SDK1: variants seen among roughly 807,000 people sequenced by gnomAD.
SDK1 encodes protein sidekick-1.
In SDK1, 157 loss-of-function variants were observed where a neutral mutation model predicts 245.5. The ratio of observed to expected loss-of-function variants is 0.64; its 90% CI spans 0.56 to 0.73. The LOEUF is 0.73. SDK1 is among the 30% of genes least tolerant of loss of function. The pLI, the probability that SDK1 is intolerant of heterozygous loss-of-function variation, is 0.00. For synonymous variants in SDK1, 1,647 were observed against 1,278.5 expected, an observed-to-expected ratio of 1.29 and a Z score of -6.15; for missense variants, 3,583 against 3,002.3, an observed-to-expected ratio of 1.19 and a Z score of -4.52.
chr7:3,778,982 C>T (rs1289747041), intron 4 of SDK1, among the ~76,000 whole-genome samples: 1 of 152,128 alleles, frequency 6.6e-6, no homozygotes, highest in Admixed American at 6.5e-5. Context: ...TTTGAGATTC[C>T]ATTGTAGCAG....
chr7:3,347,561 C>T (rs1278632111), intron 1 of SDK1, among the ~76,000 whole-genome samples: 1 of 152,158 alleles, frequency 6.6e-6, no homozygotes. Context: ...TTTCAACCTC[C>T]CTGTTTCATT....
chr7:3,433,559 A>G (rs1779929740), intron 1 of SDK1, among the ~76,000 whole-genome samples: 1 of 152,046 alleles, frequency 6.6e-6, no homozygotes, highest in Non-Finnish European at 1.5e-5. Context: ...TTAGGTTTAT[A>G]TGAAATAGAA....
At position 4,220,135 on chromosome 7, in the gene SDK1, G is replaced by A. The variant is rs1346700840; in HGVS notation, c.5566G>A (p.Val1856Met). 1 of 1,613,994 alleles carries A rather than the reference G, an allele frequency of 6.2e-7. No homozygotes were observed. The highest frequency in any genetic ancestry group is 8.5e-7 in the Non-Finnish European group (1 of 1,180,014). Reference protein sequence around the residue: ...QGVSKVVTVEVRGNWQRWLKV... With the variant: ...QGVSKVVTVEMRGNWQRWLKV... ...GGTGAGCAAGGTGGTGACCGTGGAA[G>A]TGAGAGGGAACTGGCAGCGCTGGCT... The change falls in exon 39 of 45, where the codon GTG becomes ATG. Residue 1856 changes from valine to methionine, a missense_variant. Transcript: ENST00000404826.
intron 40 of SDK1, among the ~76,000 whole-genome samples, chr7:4,230,282 G>A (rs1481270189): frequency 1.3e-5 from 2 of 151,742 alleles, no homozygotes; most frequent in Non-Finnish European, 2.9e-5. Flanking sequence ...TGGATGAATG[G>A]ATGGGTGGAT....
intron 13 of SDK1, among the ~76,000 whole-genome samples, chr7:3,975,577 C>T (rs1782858208): frequency 6.6e-6 from 1 of 152,218 alleles, no homozygotes; most frequent in Non-Finnish European, 1.5e-5. Context: ...AGAATGCTTG[C>T]TAAGTGCTAA....
chr7:4,075,386 C>T (rs1010240535), intron 20 of SDK1, among the ~76,000 whole-genome samples: 4 of 152,156 alleles, frequency 2.6e-5, no homozygotes, highest in Non-Finnish European at 5.9e-5. Flanking sequence ...TTCTTGTTTA[C>T]CTGCAAGTGC....
chr7:3,794,527 T>C (rs886760627), intron 4 of SDK1, among the ~76,000 whole-genome samples: 1 of 151,986 alleles, frequency 6.6e-6, no homozygotes, highest in African/African-American at 2.4e-5. Flanking sequence ...GAATAATGGG[T>C]TCATGGATTA....
At chr7:3,678,576 C>T (rs563199758) in intron 4 of SDK1, among the ~76,000 whole-genome samples, 7 of 152,230 alleles carry the variant, frequency 4.6e-5, no homozygotes, top group South Asian at 4.1e-4. Context: ...CTCTAGAATA[C>T]GCAAATTCAT....
At chr7:3,706,632 G>C in intron 4 of SDK1, among the ~76,000 whole-genome samples, 1 of 152,134 alleles carries the variant, frequency 6.6e-6, no homozygotes, top group East Asian at 1.9e-4. Flanking sequence ...GCGATCTCCT[G>C]ACCTCGTGAT....
chr7:3,818,468 C>T (rs761624823), intron 4 of SDK1, among the ~76,000 whole-genome samples: 16 of 152,156 alleles, frequency 1.1e-4, no homozygotes, highest in African/African-American at 3.9e-4. Context: ...AGGAAATGGC[C>T]TGTAATTGTA....
At chr7:3,545,229 G>A (rs1252739306) in intron 1 of SDK1, among the ~76,000 whole-genome samples, 2 of 152,108 alleles carry the variant, frequency 1.3e-5, no homozygotes, top group East Asian at 1.9e-4. Flanking sequence ...TATGAGGAAT[G>A]GGGAAAAGGC....
intron 29 of SDK1, among the ~76,000 whole-genome samples, chr7:4,146,917 T>G (rs1780023050): frequency 1.3e-5 from 2 of 152,188 alleles, no homozygotes; most frequent in South Asian, 4.1e-4. Flanking sequence ...AGCTGAGATT[T>G]GGACTCCCCT....
chr7:3,452,426 T>C (rs1416846123), intron 1 of SDK1, among the ~76,000 whole-genome samples: 2 of 152,202 alleles, frequency 1.3e-5, no homozygotes, highest in African/African-American at 4.8e-5. Flanking sequence ...TTTTCAATTG[T>C]AGAGAGCCTC....
chr7:3,458,228 G>C lies in SDK1; in HGVS notation c.298+156344G>C, dbSNP rs979322792. Among the ~76,000 whole-genome samples the C allele has an allele frequency of 2.6e-5, 4 of 150,998 alleles. No individual in the cohort carries two copies. The East Asian group carries it at 7.8e-4, about 29-fold the overall frequency. On this transcript the variant is annotated intron_variant, in intron 1 of 44. Transcript: ENST00000404826. Reference sequence around the variant, plus strand: ...TGGAAACTAATGTTTTTCTTTTGTGGGAAGATATATTATTTTCCCAGAAAG... The same window carrying C: ...TGGAAACTAATGTTTTTCTTTTGTGCGAAGATATATTATTTTCCCAGAAAG...
intron 1 of SDK1, among the ~76,000 whole-genome samples, chr7:3,527,519 G>A (rs1313231359): frequency 1.3e-5 from 2 of 152,198 alleles, no homozygotes; most frequent in Non-Finnish European, 2.9e-5. Context: ...CAGCAAGAAG[G>A]TCAGAGTGCC....
At chr7:3,696,014 T>G (rs1784562705) in intron 4 of SDK1, among the ~76,000 whole-genome samples, 1 of 152,170 alleles carries the variant, frequency 6.6e-6, no homozygotes, top group African/African-American at 2.4e-5. Flanking sequence ...CTTCCCTGTT[T>G]CCTCCTTCGT....
Position 3,694,230 on chromosome 7 carries a change from C to T in SDK1, c.713+52125C>T, listed in dbSNP as rs117233951. Among the ~76,000 whole-genome samples, 94 of 152,276 alleles carry T rather than the reference C, an allele frequency of 6.2e-4. No homozygotes were observed. In the East Asian group the frequency reaches 0.017, roughly 27 times the overall value. ...GTGCCCTGCCCACTGCATAAGACTTCGTGAAAGCTCTTTGAGATGTGAGAA... is the reference window on the plus strand; with the variant it reads ...GTGCCCTGCCCACTGCATAAGACTTTGTGAAAGCTCTTTGAGATGTGAGAA... On this transcript the variant is annotated intron_variant, in intron 4 of 44. Transcript: ENST00000404826.
At chr7:3,762,804 A>T (rs561846308) in intron 4 of SDK1, among the ~76,000 whole-genome samples, 1 of 152,336 alleles carries the variant, frequency 6.6e-6, no homozygotes, top group Non-Finnish European at 1.5e-5. Flanking sequence ...ACTGTCATTT[A>T]TGTAGTTTTT....
chr7:4,264,983 C>T (rs1212520191), intron 44 of SDK1, 141 bp from the exon 45 acceptor site: 26 of 1,283,338 alleles, frequency 2.0e-5, no homozygotes, highest in Non-Finnish European at 2.7e-5. Flanking sequence ...GAGGGCCTGG[C>T]ATTGGGTTGG....
Sources: gnomAD v4.1 joint callset for allele counts (sites outside exome capture counted in the v4.1 genomes callset) on GRCh38, gnomAD v4.1.1 for gene constraint, MANE v1.5 for transcripts, NCBI Gene and HGNC (gene_info 2026-07-23, HGNC 2026-07-21) for gene names.